The following STAG1 variants were observed in gnomAD, a reference collection of about 807,000 sequenced individuals.
STAG1 encodes the protein STAG1 cohesin complex component.
STAG1 carries 26 observed loss-of-function variants against 170.9 expected under a neutral mutation model. The ratio of observed to expected loss-of-function variants is 0.15; its 90% CI spans 0.11 to 0.21. The LOEUF is 0.21. Ranked by LOEUF, STAG1 falls within the 10% of genes least tolerant of loss-of-function variation. The pLI is 1.00. For synonymous variants in STAG1, 514 were observed against 497.7 expected (o/e 1.03, Z -0.44); for missense variants, 964 against 1,509.5 (o/e 0.64, Z 5.99).
At chr3:136,592,747 C>T (rs910703626) in intron 4 of STAG1, among the ~76,000 whole-genome samples, 3 of 152,142 alleles carry the variant, frequency 2.0e-5, no homozygotes, top group African/African-American at 7.2e-5. Context: ...ATAGAGATTA[C>T]CAGCAGAAGG....
At chr3:136,556,208 G>A (rs1232638800) in intron 5 of STAG1, among the ~76,000 whole-genome samples, 2 of 152,086 alleles carry the variant, frequency 1.3e-5, no homozygotes, top group African/African-American at 2.4e-5. Context: ...GGACGTATAA[G>A]ACCTTTTCAC....
chr3:136,433,320 A>T (rs145804203), intron 16 of STAG1, among the ~76,000 whole-genome samples: 3 of 151,946 alleles, frequency 2.0e-5, no homozygotes, highest in Non-Finnish European at 4.4e-5. Flanking sequence ...ATATATATAT[A>T]AAATACGTAA....
chr3:136,523,496 T>A (rs1302340910), intron 6 of STAG1, among the ~76,000 whole-genome samples: 1 of 151,666 alleles, frequency 6.6e-6, no homozygotes, highest in Non-Finnish European at 1.5e-5. Flanking sequence ...ATTGCAAAAA[T>A]CTTCTCCCAT....
At chr3:136,383,661 A>C (rs1938097887) in intron 22 of STAG1, among the ~76,000 whole-genome samples, 1 of 152,154 alleles carries the variant, frequency 6.6e-6, no homozygotes, top group African/African-American at 2.4e-5. Context: ...TTTATGTATA[A>C]AGAAACAGGC....
intron 4 of STAG1, among the ~76,000 whole-genome samples, chr3:136,592,357 T>A (rs1231694334): frequency 1.3e-5 from 2 of 152,134 alleles, no homozygotes; most frequent in African/African-American, 4.8e-5. Context: ...TTTATAAGCA[T>A]CTGGCATTTC....
At chr3:136,342,725 A>G (rs193049385) in intron 30 of STAG1, among the ~76,000 whole-genome samples, 1 of 152,358 alleles carries the variant, frequency 6.6e-6, no homozygotes, top group East Asian at 1.9e-4. Context: ...AGCTGTCTTT[A>G]TATCATGTGG....
intron 5 of STAG1, 57 bp downstream of exon 5, chr3:136,568,708 A>G: frequency 1.6e-6 from 2 of 1,252,516 alleles, no homozygotes; most frequent in Non-Finnish European, 2.3e-6. Context: ...GTGAAGTAAA[A>G]GTCACACTGC....
intron 5 of STAG1, among the ~76,000 whole-genome samples, chr3:136,556,433 A>G (rs1056753455): frequency 3.3e-5 from 5 of 152,192 alleles, no homozygotes; most frequent in South Asian, 2.1e-4. Flanking sequence ...TCCTACAATG[A>G]AAGAATGCTT....
At chr3:136,449,012 A>T (rs943592295) in intron 14 of STAG1, among the ~76,000 whole-genome samples, 1 of 152,210 alleles carries the variant, frequency 6.6e-6, no homozygotes. Context: ...TTTACCAATT[A>T]AAGTGTGTGA....
intron 1 of STAG1, among the ~76,000 whole-genome samples, chr3:136,634,460 T>A (rs1191494411): frequency 6.6e-6 from 1 of 151,758 alleles, no homozygotes; most frequent in Non-Finnish European, 1.5e-5. Context: ...TTATAAACCC[T>A]TAACAACAGA....
chr3:136,512,096 T>TA (rs35238532), intron 7 of STAG1, among the ~76,000 whole-genome samples: 28,670 of 68,504 alleles, frequency 0.42, 4,536 homozygotes, highest in East Asian at 0.67. Flanking sequence ...CTCTACAAAA[T>TA]AAAAAAAAAA....
chr3:136,400,378 CCTGA>C (rs1181572821), intron 21 of STAG1, among the ~76,000 whole-genome samples: 1 of 151,832 alleles, frequency 6.6e-6, no homozygotes, highest in Non-Finnish European at 1.5e-5. Context: ...CAGGCACACG[CCTGA>C]CTAATTTTTT....
intron 16 of STAG1, among the ~76,000 whole-genome samples, chr3:136,432,505 CT>C (rs1203518221): frequency 7.4e-4 from 34 of 45,786 alleles, no homozygotes; most frequent in South Asian, 1.5e-3. Context: ...TTTTTGTTTT[CT>C]TTTTTTTTGG....
chr3:136,694,556 T>C (rs1390974067), intron 1 of STAG1, among the ~76,000 whole-genome samples: 1 of 151,110 alleles, frequency 6.6e-6, no homozygotes, highest in African/African-American at 2.4e-5. Context: ...GTTGGGGCTA[T>C]AGTGAGCTAT....
chr3:136,377,422 G>A (rs542695439), intron 23 of STAG1, among the ~76,000 whole-genome samples: 130 of 128,094 alleles, frequency 1.0e-3, no homozygotes, highest in African/African-American at 3.6e-3. Context: ...ATTTCAACCT[G>A]CCCTTCCAGC....
chr3:136,368,477 G>C (rs1043454229), intron 24 of STAG1, among the ~76,000 whole-genome samples: 2 of 152,178 alleles, frequency 1.3e-5, no homozygotes, highest in African/African-American at 4.8e-5. Context: ...CTTAGGAACA[G>C]AAAGGAACCT....
intron 1 of STAG1, among the ~76,000 whole-genome samples, chr3:136,728,386 T>C (rs545580607): frequency 6.6e-6 from 1 of 152,246 alleles, no homozygotes; most frequent in South Asian, 2.1e-4. Flanking sequence ...GGGAAAATGA[T>C]AAAGAAGTAT....
At chr3:136,680,540 G>A (rs1407434460) in intron 1 of STAG1, among the ~76,000 whole-genome samples, 1 of 151,980 alleles carries the variant, frequency 6.6e-6, no homozygotes. Flanking sequence ...GATTAGGGAA[G>A]GGATACAACG....
chr3:136,369,023 T>G, intron 24 of STAG1, 85 bp downstream of exon 24: 1 of 1,263,276 alleles, frequency 7.9e-7, no homozygotes, highest in Non-Finnish European at 1.0e-6. Context: ...CTCGATAATT[T>G]TTAGAACTGA....
Sources: gnomAD v4.1 joint callset for allele counts (sites outside exome capture counted in the v4.1 genomes callset) on GRCh38, gnomAD v4.1.1 for gene constraint, MANE v1.5 for transcripts, NCBI Gene and HGNC (gene_info 2026-07-23, HGNC 2026-07-21) for gene names.